The following PRKAG2 variants were observed in gnomAD, a reference collection of about 807,000 sequenced individuals.
PRKAG2 encodes protein kinase AMP-activated non-catalytic subunit gamma 2.
Under a neutral mutation model 69.6 loss-of-function variants are expected in PRKAG2, and 26 were observed. That is an observed-to-expected ratio of 0.37 (90% CI 0.27 to 0.52). The LOEUF is 0.52. Among genes scored for constraint, PRKAG2 ranks in the 20% least tolerant of loss-of-function variants. The pLI, the probability that PRKAG2 is intolerant of heterozygous loss-of-function variation, is 0.90. For synonymous variants in PRKAG2, 293 were observed against 285.0 expected (o/e 1.03, Z -0.28); for missense variants, 557 against 740.0 (o/e 0.75, Z 2.87).
In PRKAG2 at chr7:151,876,665, G is replaced by A. The variant is rs755582685; in HGVS notation, c.-45C>T. On this transcript the variant is annotated 5_prime_UTR_variant, in exon 1 of 16. Coordinates refer to ENST00000287878, the MANE Select transcript of PRKAG2 (RefSeq NM_016203.4). ...TTCTGCGAAACTCCTCGGGGGTTCGGTCCCCTCCTTCCCTCCCCCGGCCGC... is the reference window on the plus strand; with the variant it reads ...TTCTGCGAAACTCCTCGGGGGTTCGATCCCCTCCTTCCCTCCCCCGGCCGC... 1.9e-6 allele frequency: 3 copies of A among 1,567,280 alleles called. No individual in the cohort carries two copies. Among genetic ancestry groups the A allele is most frequent in the Non-Finnish European group, 2.6e-6 (3 of 1,148,656 alleles).
chr7:151,783,993 G>A (rs1307829418), intron 2 of PRKAG2, among the ~76,000 whole-genome samples: 5 of 151,936 alleles, frequency 3.3e-5, no homozygotes, highest in African/African-American at 1.2e-4. Flanking sequence ...GGTGGGATGG[G>A]GGCTGAGAGA....
intron 1 of PRKAG2, among the ~76,000 whole-genome samples, chr7:151,855,586 A>ACTTTACACACACACCACCCTCCACACACG (rs1256205751): frequency 9.2e-5 from 11 of 119,088 alleles, no homozygotes; most frequent in East Asian, 6.1e-4. Context: ...CTACACACAC[A>ACTTTACACACACACCACCCTCCACACACG]CCACCCTCCA....
At chr7:151,758,095 C>T (rs969753402) in intron 3 of PRKAG2, among the ~76,000 whole-genome samples, 4 of 152,130 alleles carry the variant, frequency 2.6e-5, no homozygotes, top group African/African-American at 9.7e-5. Flanking sequence ...GAGTAGCCTT[C>T]GGTGTAATCA....
At chr7:151,575,780 A>G (rs1808747933) in intron 7 of PRKAG2, among the ~76,000 whole-genome samples, 1 of 151,954 alleles carries the variant, frequency 6.6e-6, no homozygotes, top group Admixed American at 6.6e-5. Flanking sequence ...GGGCTGGTAA[A>G]GACACATAAG....
intron 6 of PRKAG2, among the ~76,000 whole-genome samples, chr7:151,585,934 G>A (rs1811561309): frequency 6.6e-6 from 1 of 152,218 alleles, no homozygotes; most frequent in African/African-American, 2.4e-5. Flanking sequence ...AGAGCCCACT[G>A]ATGCTGATGC....
chr7:151,827,458 C>A (rs1485300787), intron 1 of PRKAG2, among the ~76,000 whole-genome samples: 1 of 151,992 alleles, frequency 6.6e-6, no homozygotes, highest in Admixed American at 6.6e-5. Flanking sequence ...AGGCTGGTCT[C>A]GAACTCCTGA....
intron 1 of PRKAG2, among the ~76,000 whole-genome samples, chr7:151,867,368 C>T (rs900209005): frequency 3.9e-5 from 6 of 152,200 alleles, no homozygotes; most frequent in African/African-American, 1.2e-4. Context: ...GAGAGCCACA[C>T]GCCCTCCGAA....
At chr7:151,683,742 C>T (rs1834239760) in intron 3 of PRKAG2, among the ~76,000 whole-genome samples, 1 of 152,162 alleles carries the variant, frequency 6.6e-6, no homozygotes, top group Admixed American at 6.5e-5. Context: ...ACGAAAGTGC[C>T]ACAGCCAGAG....
At chr7:151,687,359 G>C (rs1019043893) in intron 3 of PRKAG2, among the ~76,000 whole-genome samples, 2 of 152,198 alleles carry the variant, frequency 1.3e-5, no homozygotes, top group Non-Finnish European at 2.9e-5. Flanking sequence ...AGGCCCCTCT[G>C]CTGCTTTGTG....
chr7:151,568,986 A>G (rs1335224908), intron 10 of PRKAG2, 144 bp from the exon 11 acceptor site: 1 of 974,672 alleles, frequency 1.0e-6, no homozygotes, highest in Non-Finnish European at 1.6e-6. Context: ...TAGAGATCTC[A>G]GCAAATTTTT....
chr7:151,747,013 G>C (rs1355017054), intron 3 of PRKAG2, among the ~76,000 whole-genome samples: 1 of 152,202 alleles, frequency 6.6e-6, no homozygotes, highest in Non-Finnish European at 1.5e-5. Context: ...TTTATTCGCA[G>C]CAAATTGTGA....
At chr7:151,693,469 A>G (rs1836036417) in intron 3 of PRKAG2, among the ~76,000 whole-genome samples, 1 of 152,236 alleles carries the variant, frequency 6.6e-6, no homozygotes, top group African/African-American at 2.4e-5. Context: ...CGCTAGGCCC[A>G]CGAGAGGGTT....
At chr7:151,559,451 G>C in intron 15 of PRKAG2, 2 of 985,300 alleles carry the variant, frequency 2.0e-6, no homozygotes, top group East Asian at 1.1e-4. Flanking sequence ...TTCTGATTCA[G>C]TGGATATGGG....
intron 3 of PRKAG2, among the ~76,000 whole-genome samples, chr7:151,731,680 G>A (rs1284867498): frequency 6.6e-6 from 1 of 152,192 alleles, no homozygotes; most frequent in African/African-American, 2.4e-5. Flanking sequence ...GTGGTTCCTG[G>A]AAAAGACTGA....
At chr7:151,865,067 C>T (rs924386899) in intron 1 of PRKAG2, among the ~76,000 whole-genome samples, 2 of 152,194 alleles carry the variant, frequency 1.3e-5, no homozygotes, top group African/African-American at 4.8e-5. Flanking sequence ...ACTGGTTCCG[C>T]TCAAATCCTT....
At chr7:151,592,385 C>T (rs928190931) in intron 6 of PRKAG2, among the ~76,000 whole-genome samples, 34 of 152,120 alleles carry the variant, frequency 2.2e-4, no homozygotes, top group Admixed American at 1.7e-3. Context: ...AGTATTAAAC[C>T]GAGGGGAATC....
At chr7:151,564,550 C>A (rs2150990157) in intron 13 of PRKAG2, among the ~76,000 whole-genome samples, 1 of 152,304 alleles carries the variant, frequency 6.6e-6, no homozygotes, top group East Asian at 1.9e-4. Context: ...TGGATGAAAT[C>A]TCTGGCAAGG....
intron 3 of PRKAG2, among the ~76,000 whole-genome samples, chr7:151,773,182 GAAGGAAAGAAAGAAGGAAAGAAAGA>G (rs1361731018): frequency 2.7e-5 from 4 of 146,614 alleles, no homozygotes; most frequent in African/African-American, 1.0e-4. Flanking sequence ...AGGAAGGAAG[GAAGGAAAGAAAGAAGGAAAGAAAGA>G]AAGGAAAGAA....
rs933193024 is a variant in PRKAG2, at chr7:151,719,282, A to G, written c.467-43645T>C. Among the ~76,000 whole-genome samples the G allele has an allele frequency of 8.5e-5, 13 of 152,060 alleles. No homozygotes were observed. Among genetic ancestry groups the G allele is most frequent in the African/African-American group, 2.9e-4 (12 of 41,404 alleles). ...CCCCGGCACGCTCAGCCCTGGTCCAACTTATCATACAAGTTCTTGGGCAAG... is the reference window on the plus strand; with the variant it reads ...CCCCGGCACGCTCAGCCCTGGTCCAGCTTATCATACAAGTTCTTGGGCAAG... On this transcript the variant is annotated intron_variant, in intron 3 of 15. Transcript: ENST00000287878. The surrounding 1 kb of genome is among the most constrained non-coding windows in gnomAD (Gnocchi z 5.2).
Sources: allele counts gnomAD v4.1 joint callset (sites outside exome capture counted in the v4.1 genomes callset), GRCh38; gene constraint gnomAD v4.1.1; non-coding constraint Gnocchi (gnomAD v3.1); transcripts MANE v1.5; gene names NCBI Gene and HGNC (gene_info 2026-07-23, HGNC 2026-07-21).